Variants in IPO11 observed in about 807,000 individuals in gnomAD.
IPO11 encodes importin 11, also known as importin-11.
In IPO11, 66 loss-of-function variants were observed where a neutral mutation model predicts 143.2. The ratio of observed to expected loss-of-function variants is 0.46; its 90% CI spans 0.38 to 0.57. IPO11 has a LOEUF of 0.57. Among genes scored for constraint, IPO11 ranks in the 20% least tolerant of loss-of-function variants. The pLI is 0.00. For missense variants in IPO11, 1,026 were observed against 1,141.0 expected (o/e 0.90, Z 1.45); for synonymous variants, 385 against 377.8 (o/e 1.02, Z -0.22).
rs112004565 is a variant in IPO11 at position 62,489,460 on chromosome 5, C to T, written c.1357+111C>T. The T allele has an allele frequency of 1.7e-4, 109 of 633,938 alleles. 2 individuals carry two copies. The highest frequency in any genetic ancestry group is 1.6e-3 in the African/African-American group (86 of 52,880). The allele number at this position is 633,938 out of a possible 1,614,324, so 39.3% of individuals were successfully genotyped here. Reference sequence around the variant, plus strand: ...TTGAGATACAAGAGTAACTAAAATACAGGAACAATCTGATTGGGGAGATAA... The same window carrying T: ...TTGAGATACAAGAGTAACTAAAATATAGGAACAATCTGATTGGGGAGATAA... On this transcript the variant is annotated intron_variant, in intron 14 of 29. Transcript: ENST00000325324.
chr5:62,624,790 C>G (rs1450874455), intron 29 of IPO11, among the ~76,000 whole-genome samples: 2 of 152,010 alleles, frequency 1.3e-5, no homozygotes, highest in African/African-American at 2.4e-5. Context: ...CGAGATCATC[C>G]TGGCTAACAG....
intron 1 of IPO11, among the ~76,000 whole-genome samples, chr5:62,426,505 AT>A (rs1397420799): frequency 3.9e-5 from 6 of 152,192 alleles, no homozygotes; most frequent in Non-Finnish European, 5.9e-5. Context: ...TACCTACTTG[AT>A]ATGTGCTTAA....
At chr5:62,461,637 A>G (rs907397855) in intron 5 of IPO11, among the ~76,000 whole-genome samples, 10 of 152,154 alleles carry the variant, frequency 6.6e-5, no homozygotes, top group African/African-American at 2.4e-4. Flanking sequence ...GTCCTTGACT[A>G]TTAGGTTTTT....
intron 1 of IPO11, among the ~76,000 whole-genome samples, chr5:62,415,942 A>C (rs957240450): frequency 6.6e-6 from 1 of 152,040 alleles, no homozygotes; most frequent in Non-Finnish European, 1.5e-5. Flanking sequence ...TATTTCCTTC[A>C]TGTGTTTGCT....
intron 1 of IPO11, among the ~76,000 whole-genome samples, chr5:62,435,211 T>TATATATAC (rs1744172734): frequency 9.9e-5 from 5 of 50,316 alleles, no homozygotes; most frequent in Non-Finnish European, 1.4e-4. Context: ...TATATATATG[T>TATATATAC]GTATATATAT....
At chr5:62,496,266 C>T (rs964612352) in intron 16 of IPO11, among the ~76,000 whole-genome samples, 24 of 147,184 alleles carry the variant, frequency 1.6e-4, no homozygotes, top group African/African-American at 5.8e-4. Flanking sequence ...CCAGCCTGAG[C>T]GACAGAGAGA....
chr5:62,546,004 T>C (rs530096604), intron 24 of IPO11, among the ~76,000 whole-genome samples: 1 of 152,362 alleles, frequency 6.6e-6, no homozygotes, highest in South Asian at 2.1e-4. Context: ...TTGGTGGGAC[T>C]GTAAACTGGT....
At chr5:62,591,071 T>C (rs1744993170) in intron 27 of IPO11, among the ~76,000 whole-genome samples, 1 of 152,212 alleles carries the variant, frequency 6.6e-6, no homozygotes, top group Admixed American at 6.6e-5. Context: ...TAGCTAGGAC[T>C]ATAGGCTTGC....
chr5:62,537,479 C>T (rs1350953655), intron 24 of IPO11, among the ~76,000 whole-genome samples, 190 bp downstream of exon 24: 1 of 152,132 alleles, frequency 6.6e-6, no homozygotes, highest in South Asian at 2.1e-4. Context: ...CATACACCTT[C>T]AACAGGCAAG....
intron 27 of IPO11, chr5:62,562,232 T>C (rs905426430): frequency 3.9e-5 from 6 of 152,140 alleles, no homozygotes; most frequent in African/African-American, 1.4e-4. Flanking sequence ...GGGCCCCTAT[T>C]TTTTTGTACT....
intron 22 of IPO11, among the ~76,000 whole-genome samples, chr5:62,531,471 C>A (rs1265017286): frequency 6.6e-6 from 1 of 152,296 alleles, no homozygotes; most frequent in Non-Finnish European, 1.5e-5. Flanking sequence ...GCTAGGATTA[C>A]AGGTGTGCAC....
chr5:62,454,657 G>A (rs1370886331), intron 5 of IPO11, among the ~76,000 whole-genome samples: 3 of 152,066 alleles, frequency 2.0e-5, no homozygotes, highest in Admixed American at 6.6e-5. Flanking sequence ...AGAAGTATAT[G>A]CTTAATTAGC....
chr5:62,447,193 A>T (rs1442038976), intron 3 of IPO11, among the ~76,000 whole-genome samples: 1 of 151,784 alleles, frequency 6.6e-6, no homozygotes, highest in Admixed American at 6.6e-5. Flanking sequence ...GTAACCTCTA[A>T]CTCCTGGGCT....
intron 27 of IPO11, among the ~76,000 whole-genome samples, chr5:62,585,341 A>G (rs1214761942): frequency 6.6e-6 from 1 of 152,212 alleles, no homozygotes; most frequent in Non-Finnish European, 1.5e-5. Context: ...GTCTAGAATC[A>G]GGACCATACC....
chr5:62,526,113 AT>A (rs752055893), intron 20 of IPO11, 28 bp from the exon 21 acceptor site: 2 of 1,449,206 alleles, frequency 1.4e-6, no homozygotes, highest in East Asian at 4.6e-5. Context: ...AGAGTGTCTT[AT>A]TATAAGTTTT....
intron 16 of IPO11, among the ~76,000 whole-genome samples, chr5:62,500,560 T>G (rs1741312966): frequency 6.6e-6 from 1 of 152,168 alleles, no homozygotes; most frequent in African/African-American, 2.4e-5. Context: ...TACAGTGGCG[T>G]GATCATAGCT....
chr5:62,577,813 A>G (rs1744375309), intron 27 of IPO11, among the ~76,000 whole-genome samples: 1 of 152,098 alleles, frequency 6.6e-6, no homozygotes, highest in African/African-American at 2.4e-5. Flanking sequence ...TTGATGTGAA[A>G]TGAAACTGCT....
chr5:62,528,408 C>A (rs1339382831), intron 21 of IPO11, among the ~76,000 whole-genome samples: 1 of 152,130 alleles, frequency 6.6e-6, no homozygotes, highest in East Asian at 1.9e-4. Flanking sequence ...ACAGACTATG[C>A]ACACTGATAA....
chr5:62,543,275 T>C (rs1027576376), intron 24 of IPO11, among the ~76,000 whole-genome samples: 3 of 152,208 alleles, frequency 2.0e-5, no homozygotes, highest in African/African-American at 7.2e-5. Flanking sequence ...AGCTCCTCCT[T>C]GTACCTCTGG....
Sources: gnomAD v4.1 joint callset for allele counts (sites outside exome capture counted in the v4.1 genomes callset) on GRCh38, gnomAD v4.1.1 for gene constraint, MANE v1.5 for transcripts, NCBI Gene and HGNC (gene_info 2026-07-23, HGNC 2026-07-21) for gene names.